TMEM17: variants seen among roughly 807,000 people sequenced by gnomAD.
TMEM17 encodes the protein transmembrane protein 17.
A neutral mutation model predicts 19.1 loss-of-function variants in TMEM17; 15 were observed. The observed-to-expected ratio is 0.78, with a 90% CI of 0.52 to 1.21. The LOEUF (loss-of-function observed/expected upper bound fraction) is 1.21, where lower values mean the gene tolerates loss of function less well. Among genes scored for constraint, TMEM17 ranks in the 50% most tolerant of loss-of-function variants. The probability of loss-of-function intolerance (pLI) is 0.00; values close to 1 mark genes in which losing one functional copy is unlikely to be tolerated. For synonymous variants in TMEM17, 103 were observed against 86.9 expected (o/e 1.19, Z -1.03); for missense variants, 245 against 242.3 (o/e 1.01, Z -0.07).
the TMEM17 span, chr2:62,463,024 C>T: frequency 0.026 from 3,971 of 152,376 alleles, 107 homozygotes; most frequent in South Asian, 0.12. Flanking sequence ...TCTACCTCCT[C>T]CTCTCAACAC....
the TMEM17 span, among the ~76,000 whole-genome samples, chr2:62,455,789 A>G: frequency 1.3e-5 from 2 of 152,140 alleles, no homozygotes; most frequent in Non-Finnish European, 2.9e-5. Flanking sequence ...AAACTACCAA[A>G]CTATTTTCCA....
chr2:62,488,193 C>G, the TMEM17 span, among the ~76,000 whole-genome samples: 1 of 152,138 alleles, frequency 6.6e-6, no homozygotes, highest in East Asian at 1.9e-4. Context: ...TGGAATTCGT[C>G]TCGAGCTTTG....
At chr2:62,463,296 A>G in the TMEM17 span, 2 of 152,224 alleles carry the variant, frequency 1.3e-5, no homozygotes, top group Non-Finnish European at 2.9e-5. Context: ...TGACTCTGCC[A>G]ATTATTAGCA....
the TMEM17 span, among the ~76,000 whole-genome samples, chr2:62,467,944 TGACTCAG>T: frequency 2.0e-5 from 3 of 151,680 alleles, no homozygotes; most frequent in Admixed American, 6.6e-5. Context: ...AAGTGTTTGT[TGACTCAG>T]GACTCAGGAC....
At chr2:62,503,924 G>A (rs1679998786) in intron 1 of TMEM17, among the ~76,000 whole-genome samples, 1 of 152,160 alleles carries the variant, frequency 6.6e-6, no homozygotes, top group Admixed American at 6.5e-5. Context: ...ATGTAAGAGA[G>A]CAGGGTCCTA....
the TMEM17 span, among the ~76,000 whole-genome samples, chr2:62,490,263 GTATTAT>G: frequency 2.6e-5 from 4 of 151,550 alleles, no homozygotes; most frequent in Admixed American, 6.6e-5. Context: ...ATGCATGTGT[GTATTAT>G]TATTATTATT....
the TMEM17 span, among the ~76,000 whole-genome samples, chr2:62,459,790 C>A: frequency 6.6e-6 from 1 of 152,156 alleles, no homozygotes; most frequent in East Asian, 1.9e-4. Flanking sequence ...GAGATGGGGA[C>A]TTGCTATGTT....
chr2:62,488,469 T>C, the TMEM17 span, among the ~76,000 whole-genome samples: 1 of 150,396 alleles, frequency 6.6e-6, no homozygotes, highest in Admixed American at 6.7e-5. Flanking sequence ...GACAAACTTT[T>C]TTTTTAAATA....
the TMEM17 span, among the ~76,000 whole-genome samples, chr2:62,488,441 ACAAG>A: frequency 6.6e-6 from 1 of 152,094 alleles, no homozygotes; most frequent in Non-Finnish European, 1.5e-5. Context: ...ACAATTTGTA[ACAAG>A]CAAGCAATAT....
At chr2:62,498,488 G>A (rs1452155256), downstream of TMEM17, among the ~76,000 whole-genome samples, 2 of 150,678 alleles carry the variant, frequency 1.3e-5, no homozygotes, top group Non-Finnish European at 3.0e-5. Flanking sequence ...AGGCCGAGGC[G>A]GGCGGATCAC....
At chr2:62,489,290 G>C in the TMEM17 span, among the ~76,000 whole-genome samples, 1 of 152,186 alleles carries the variant, frequency 6.6e-6, no homozygotes, top group Non-Finnish European at 1.5e-5. Context: ...GACTGCTCTT[G>C]GCCCTGAATG....
chr2:62,465,931 A>G, the TMEM17 span, among the ~76,000 whole-genome samples: 1 of 152,192 alleles, frequency 6.6e-6, no homozygotes, highest in African/African-American at 2.4e-5. Flanking sequence ...TAGGGAAATA[A>G]TGGGACATGA....
At chr2:62,459,432 C>G in the TMEM17 span, among the ~76,000 whole-genome samples, 2 of 152,250 alleles carry the variant, frequency 1.3e-5, no homozygotes, top group Non-Finnish European at 2.9e-5. Flanking sequence ...TGACTTGCTG[C>G]TCGGGCAGGG....
chr2:62,480,265 A>AT, the TMEM17 span, among the ~76,000 whole-genome samples: 2 of 150,250 alleles, frequency 1.3e-5, no homozygotes, highest in East Asian at 2.0e-4. Context: ...ATGAAAAAAA[A>AT]TTTTTTTTTT....
chr2:62,472,313 T>C, the TMEM17 span, among the ~76,000 whole-genome samples: 3 of 152,186 alleles, frequency 2.0e-5, no homozygotes, highest in Non-Finnish European at 2.9e-5. Flanking sequence ...TGAAGAACCA[T>C]AGCAGAGTCT....
At chr2:62,462,352 C>G in the TMEM17 span, among the ~76,000 whole-genome samples, 1 of 152,192 alleles carries the variant, frequency 6.6e-6, no homozygotes. Context: ...GACCCAAGTT[C>G]CAGCCTTGTG....
the TMEM17 span, among the ~76,000 whole-genome samples, chr2:62,476,942 G>C: frequency 6.6e-6 from 1 of 152,148 alleles, no homozygotes; most frequent in African/African-American, 2.4e-5. Context: ...TTGAGCCCCA[G>C]ATAAGGGATG....
the TMEM17 span, among the ~76,000 whole-genome samples, chr2:62,480,742 G>T: frequency 7.0e-4 from 107 of 152,220 alleles, no homozygotes; most frequent in African/African-American, 2.5e-3. Context: ...TCATTTCTAG[G>T]TTCTCTATTC....
the TMEM17 span, among the ~76,000 whole-genome samples, chr2:62,470,305 AG>A: frequency 6.6e-6 from 1 of 152,090 alleles, no homozygotes. Flanking sequence ...GGCTCTGGAG[AG>A]AGTTAAATGG....
Sources: allele counts gnomAD v4.1 joint callset (sites outside exome capture counted in the v4.1 genomes callset), GRCh38; gene constraint gnomAD v4.1.1; transcripts MANE v1.5; gene names NCBI Gene and HGNC (gene_info 2026-07-23, HGNC 2026-07-21).